Variants in NCALD observed in about 807,000 individuals in gnomAD.
NCALD encodes neurocalcin-delta.
In NCALD, 10 loss-of-function variants were observed where a neutral mutation model predicts 18.6. The ratio of observed to expected loss-of-function variants is 0.54; its 90% confidence interval spans 0.33 to 0.91. NCALD has a LOEUF of 0.91. Among genes scored for constraint, NCALD ranks in the 40% least tolerant of loss-of-function variants. NCALD has a pLI of 0.03. For missense variants in NCALD, 184 were observed against 247.6 expected (o/e 0.74, Z 1.72); for synonymous variants, 88 against 87.4 (o/e 1.01, Z -0.04).
chr8:102,107,199 T>C (rs1438050815), intron 1 of NCALD, among the ~76,000 whole-genome samples: 2 of 21,900 alleles, frequency 9.1e-5, no homozygotes, highest in African/African-American at 1.5e-4. Flanking sequence ...TGTGTACATA[T>C]ATATATATAT....
chr8:101,715,193 A>G (rs1816018272), intron 2 of NCALD, among the ~76,000 whole-genome samples: 1 of 152,170 alleles, frequency 6.6e-6, no homozygotes, highest in Non-Finnish European at 1.5e-5. Context: ...CAACCATCTG[A>G]TCTTTGACAA....
At chr8:101,982,819 C>T (rs1196570852) in intron 2 of NCALD, among the ~76,000 whole-genome samples, 6 of 147,506 alleles carry the variant, frequency 4.1e-5, no homozygotes, top group African/African-American at 1.3e-4. Flanking sequence ...CCAGCCTGGG[C>T]GACAGAGCGA....
chr8:102,111,080 T>C (rs1371009677), intron 1 of NCALD, among the ~76,000 whole-genome samples: 2 of 152,014 alleles, frequency 1.3e-5, no homozygotes, highest in Non-Finnish European at 2.9e-5. Flanking sequence ...GGAACAAGAG[T>C]GATTCTTTCT....
intron 1 of NCALD, among the ~76,000 whole-genome samples, chr8:101,746,841 C>G (rs1055100644): frequency 6.6e-6 from 1 of 151,986 alleles, no homozygotes; most frequent in Non-Finnish European, 1.5e-5. Flanking sequence ...TCATTTCTCA[C>G]TTGGATCTTT....
intron 2 of NCALD, among the ~76,000 whole-genome samples, chr8:101,992,840 G>C (rs1426950985): frequency 1.3e-5 from 2 of 151,686 alleles, no homozygotes; most frequent in African/African-American, 2.4e-5. Context: ...CCTTTACTGA[G>C]CTCTTACTAT....
intron 1 of NCALD, among the ~76,000 whole-genome samples, chr8:102,088,559 A>C (rs958351394): frequency 1.3e-5 from 2 of 151,908 alleles, no homozygotes; most frequent in Non-Finnish European, 2.9e-5. Context: ...TTCGGGGAAA[A>C]AAAAAAAAAA....
chr8:102,064,800 T>G (rs1274508348), intron 1 of NCALD, among the ~76,000 whole-genome samples: 1 of 152,104 alleles, frequency 6.6e-6, no homozygotes, highest in Non-Finnish European at 1.5e-5. Context: ...TGAGCCAGTG[T>G]GCAAAGTTGA....
intron 1 of NCALD, chr8:101,746,077 T>C (rs1810413568): frequency 6.6e-6 from 1 of 152,204 alleles, no homozygotes; most frequent in African/African-American, 2.4e-5. Context: ...TCCTCCACAA[T>C]CATTCTATGC....
At chr8:102,023,493 A>G (rs1447135955) in intron 1 of NCALD, among the ~76,000 whole-genome samples, 2 of 152,260 alleles carry the variant, frequency 1.3e-5, no homozygotes, top group Non-Finnish European at 2.9e-5. Context: ...ATAAACAAAA[A>G]TAAAAGGAGG....
At chr8:101,897,368 G>C (rs1763861070) in intron 3 of NCALD, among the ~76,000 whole-genome samples, 1 of 132,644 alleles carries the variant, frequency 7.5e-6, no homozygotes, top group Admixed American at 7.8e-5. Context: ...GACTGTGGTG[G>C]GGTGGGGGGA....
intron 4 of NCALD, among the ~76,000 whole-genome samples, chr8:101,858,609 C>T (rs1221216675): frequency 2.0e-5 from 3 of 152,088 alleles, no homozygotes; most frequent in Non-Finnish European, 4.4e-5. Context: ...CCATCCTGTA[C>T]TCAGCATCTA....
chr8:101,746,795 A>T (rs1407634787), intron 1 of NCALD, among the ~76,000 whole-genome samples: 1 of 152,056 alleles, frequency 6.6e-6, no homozygotes, highest in Non-Finnish European at 1.5e-5. Flanking sequence ...TAAATCTTTG[A>T]ATAGTAATAA....
intron 1 of NCALD, among the ~76,000 whole-genome samples, chr8:101,785,600 T>C (rs1464355464): frequency 4.6e-5 from 7 of 152,090 alleles, no homozygotes; most frequent in South Asian, 2.1e-4. Flanking sequence ...GCCATTAAGA[T>C]TGGGGGCTAT....
At chr8:101,864,714 C>T (rs547787767) in intron 4 of NCALD, among the ~76,000 whole-genome samples, 1 of 152,026 alleles carries the variant, frequency 6.6e-6, no homozygotes, top group Non-Finnish European at 1.5e-5. Context: ...TCTGTCTCAG[C>T]CTCCTGAGTA....
intron 1 of NCALD, among the ~76,000 whole-genome samples, chr8:102,121,852 T>C (rs902293232): frequency 6.6e-6 from 1 of 152,220 alleles, no homozygotes; most frequent in African/African-American, 2.4e-5. Context: ...TTTTTTATCG[T>C]AGAGTGTTAG....
At chr8:101,727,637 TG>T (rs1445915259) in intron 1 of NCALD, among the ~76,000 whole-genome samples, 1 of 152,230 alleles carries the variant, frequency 6.6e-6, no homozygotes, top group Non-Finnish European at 1.5e-5. Context: ...CACATTACCA[TG>T]CCCAGCATAA....
rs190569134 is a variant in NCALD, at chr8:101,820,985, T to G, written c.-20+66156A>C. Reference sequence around the variant, plus strand: ...AACTCATGGTAAGTAAATCAAAACATGAAGTTCCAAAGAATTGTTCTTCAA... The same window carrying G: ...AACTCATGGTAAGTAAATCAAAACAGGAAGTTCCAAAGAATTGTTCTTCAA... On this transcript the variant is annotated intron_variant, in intron 4 of 6. Transcript: ENST00000311028. Among the ~76,000 whole-genome samples the G allele has an allele frequency of 6.6e-5, 10 of 152,276 alleles. No individual in the cohort carries two copies. The East Asian group carries it at 1.9e-3, about 29-fold the overall frequency.
intron 1 of NCALD, among the ~76,000 whole-genome samples, chr8:102,121,194 A>G (rs570232202): frequency 1.3e-5 from 2 of 152,258 alleles, no homozygotes; most frequent in South Asian, 2.1e-4. Flanking sequence ...TCCCTATCAC[A>G]TATTCTTCTC....
rs570677150 is a variant in NCALD at position 102,069,878 on chromosome 8, G to A, written c.-209-49589C>T. On this transcript the variant is annotated intron_variant, in intron 1 of 6. Coordinates refer to the NCALD transcript ENST00000311028. ...GCCTGTAATCCCAGCACTTTAGGAG[G>A]CCGAGGCAGGCAGGTCGCTTGAGGC... The A allele has an allele frequency of 2.6e-5, 4 of 152,352 alleles. No individual in the cohort carries two copies. In the East Asian group the frequency reaches 7.7e-4, roughly 29 times the overall value. 9.4% of individuals were successfully genotyped at this position (152,352 alleles called of 1,614,324 possible). A position where few individuals can be genotyped will look rare whatever the true frequency, so the allele number is the denominator to read the frequency against.
Sources: allele counts gnomAD v4.1 joint callset (sites outside exome capture counted in the v4.1 genomes callset), GRCh38; gene constraint gnomAD v4.1.1; transcripts MANE v1.5; gene names NCBI Gene and HGNC (gene_info 2026-07-23, HGNC 2026-07-21).